The following GTF2F2 variants were observed in gnomAD, a reference collection of about 807,000 sequenced individuals.
GTF2F2 encodes general transcription factor IIF subunit 2, also known as ATP-dependent helicase GTF2F2.
GTF2F2 carries 23 observed loss-of-function variants against 42.2 expected under a neutral mutation model. The ratio of observed to expected loss-of-function variants is 0.55; its 90% confidence interval spans 0.39 to 0.77. GTF2F2 has a LOEUF of 0.77. Ranked by LOEUF, GTF2F2 falls within the 30% of genes least tolerant of loss-of-function variation. GTF2F2 has a pLI of 0.00. For missense variants in GTF2F2, 261 were observed against 287.2 expected, an observed-to-expected ratio of 0.91 and a Z score of 0.66; for synonymous variants, 105 against 100.8, an observed-to-expected ratio of 1.04 and a Z score of -0.25.
intron 4 of GTF2F2, among the ~76,000 whole-genome samples, chr13:45,174,354 A>G (rs1871754411): frequency 6.6e-6 from 1 of 152,230 alleles, no homozygotes; most frequent in Non-Finnish European, 1.5e-5. Flanking sequence ...ACTGCCACAT[A>G]CAGAAAAGAT....
chr13:45,145,808 G>C (rs752124076), intron 2 of GTF2F2, among the ~76,000 whole-genome samples: 1 of 152,060 alleles, frequency 6.6e-6, no homozygotes, highest in Non-Finnish European at 1.5e-5. Context: ...TCAGTGTGCT[G>C]CCACTTTTGC....
At chr13:45,235,278 T>C (rs1874908414) in intron 5 of GTF2F2, among the ~76,000 whole-genome samples, 1 of 152,016 alleles carries the variant, frequency 6.6e-6, no homozygotes, top group Admixed American at 6.6e-5. Flanking sequence ...AACAATTTTA[T>C]TTAAAAATTA....
intron 4 of GTF2F2, among the ~76,000 whole-genome samples, chr13:45,204,105 A>G (rs74849456): frequency 0.029 from 4,342 of 152,212 alleles, 191 homozygotes; most frequent in African/African-American, 0.093. Context: ...TTGGGAGTCT[A>G]TACATTTTTC....
intron 2 of GTF2F2, among the ~76,000 whole-genome samples, chr13:45,145,999 A>C (rs1870174991): frequency 1.3e-5 from 2 of 151,964 alleles, no homozygotes; most frequent in South Asian, 4.2e-4. Flanking sequence ...TTACTGAGCC[A>C]CTCCTTTATA....
chr13:45,274,677 A>G (rs1876952143), intron 7 of GTF2F2, among the ~76,000 whole-genome samples: 1 of 152,148 alleles, frequency 6.6e-6, no homozygotes, highest in African/African-American at 2.4e-5. Flanking sequence ...GTGTTGGCTC[A>G]TACCTATAAC....
intron 1 of GTF2F2, among the ~76,000 whole-genome samples, chr13:45,127,471 A>G (rs1440379734): frequency 1.3e-5 from 2 of 149,676 alleles, no homozygotes; most frequent in East Asian, 3.9e-4. Context: ...GACTATAGGC[A>G]TGTGTCACCA....
At chr13:45,245,488 T>C (rs1394875160) in intron 5 of GTF2F2, among the ~76,000 whole-genome samples, 1 of 152,068 alleles carries the variant, frequency 6.6e-6, no homozygotes, top group Non-Finnish European at 1.5e-5. Context: ...CCAAAAGTCA[T>C]TGTATCATTC....
At chr13:45,244,034 C>T (rs971029629) in intron 5 of GTF2F2, among the ~76,000 whole-genome samples, 1 of 152,204 alleles carries the variant, frequency 6.6e-6, no homozygotes, top group Non-Finnish European at 1.5e-5. Flanking sequence ...TATGCATATA[C>T]AGTGGCCCAA....
intron 4 of GTF2F2, among the ~76,000 whole-genome samples, chr13:45,169,200 A>G (rs1230810165): frequency 6.6e-6 from 1 of 152,058 alleles, no homozygotes; most frequent in East Asian, 1.9e-4. Context: ...GGTACCTCAG[A>G]ATGTGACTGT....
At chr13:45,247,454 C>T (rs1191495611) in intron 5 of GTF2F2, among the ~76,000 whole-genome samples, 5 of 151,246 alleles carry the variant, frequency 3.3e-5, no homozygotes, top group South Asian at 2.1e-4. Flanking sequence ...GTGCAGTGGC[C>T]GGATCTCAGC....
chr13:45,125,383 A>C (rs564499088), intron 1 of GTF2F2, among the ~76,000 whole-genome samples: 48 of 151,718 alleles, frequency 3.2e-4, no homozygotes, highest in Non-Finnish European at 1.2e-4. Flanking sequence ...GCAGTGGCGC[A>C]ATCTTGGCTC....
chr13:45,226,653 C>T (rs1874371493), intron 5 of GTF2F2, among the ~76,000 whole-genome samples: 2 of 151,984 alleles, frequency 1.3e-5, no homozygotes, highest in Admixed American at 1.3e-4. Flanking sequence ...ACTTTTTTTT[C>T]CCAGGTTCAA....
At chr13:45,261,586 A>T (rs1876347085) in intron 6 of GTF2F2, among the ~76,000 whole-genome samples, 1 of 152,178 alleles carries the variant, frequency 6.6e-6, no homozygotes, top group Non-Finnish European at 1.5e-5. Flanking sequence ...ATCATTGGAT[A>T]GAAGATTGGT....
intron 5 of GTF2F2, among the ~76,000 whole-genome samples, chr13:45,213,273 G>A (rs906247630): frequency 6.6e-6 from 1 of 152,002 alleles, no homozygotes; most frequent in Non-Finnish European, 1.5e-5. Context: ...TAGAGGTGGG[G>A]TTTCACTGTG....
chr13:45,277,458 C>G (rs1358892380), intron 7 of GTF2F2, among the ~76,000 whole-genome samples: 1 of 152,128 alleles, frequency 6.6e-6, no homozygotes, highest in Non-Finnish European at 1.5e-5. Context: ...AGGATAGTAC[C>G]CAGAGGGATG....
At chr13:45,136,363 A>G (rs1467948350) in intron 1 of GTF2F2, among the ~76,000 whole-genome samples, 1 of 152,218 alleles carries the variant, frequency 6.6e-6, no homozygotes, top group African/African-American at 2.4e-5. Flanking sequence ...AAATAATCGT[A>G]AGCCCAGTGG....
intron 1 of GTF2F2, among the ~76,000 whole-genome samples, chr13:45,131,057 A>T (rs1869316427): frequency 6.6e-6 from 1 of 152,156 alleles, no homozygotes; most frequent in Non-Finnish European, 1.5e-5. Flanking sequence ...GTTTGAGACC[A>T]GCCTGACCAA....
At chr13:45,253,552 ACAGT>A (rs1414278998) in intron 6 of GTF2F2, among the ~76,000 whole-genome samples, 3 of 152,222 alleles carry the variant, frequency 2.0e-5, no homozygotes, top group African/African-American at 4.8e-5. Context: ...TCAGTGACCC[ACAGT>A]CAACTACAGT....
chr13:45,205,486 T>C (rs1411032053), intron 4 of GTF2F2, among the ~76,000 whole-genome samples: 1 of 152,210 alleles, frequency 6.6e-6, no homozygotes, highest in Non-Finnish European at 1.5e-5. Context: ...GATATGTGAC[T>C]AAATTATTTG....
Sources: allele counts gnomAD v4.1 joint callset (sites outside exome capture counted in the v4.1 genomes callset), GRCh38; gene constraint gnomAD v4.1.1; transcripts MANE v1.5; gene names NCBI Gene and HGNC (gene_info 2026-07-23, HGNC 2026-07-21).